LBR: variants seen among roughly 807,000 people sequenced by gnomAD.
LBR encodes the protein delta(14)-sterol reductase LBR.
LBR carries 28 observed loss-of-function variants against 74.3 expected under a neutral mutation model. The observed-to-expected ratio is 0.38, with a 90% CI of 0.28 to 0.52. The LOEUF (loss-of-function observed/expected upper bound fraction) is 0.52, where lower values mean the gene tolerates loss of function less well. Among genes scored for constraint, LBR ranks in the 20% least tolerant of loss-of-function variants. The pLI is 0.89. For synonymous variants in LBR, 228 were observed against 269.3 expected (o/e 0.85, Z 1.50); for missense variants, 717 against 760.3 (o/e 0.94, Z 0.67).
intron 9 of LBR, among the ~76,000 whole-genome samples, chr1:225,411,126 G>T (rs1463163733): frequency 6.6e-6 from 1 of 152,136 alleles, no homozygotes; most frequent in Non-Finnish European, 1.5e-5. Flanking sequence ...ATAAAGCAAA[G>T]AAAAGTTATT....
intron 3 of LBR, 132 bp downstream of exon 3, chr1:225,421,945 T>G: frequency 1.2e-6 from 1 of 858,330 alleles, no homozygotes; most frequent in Non-Finnish European, 1.8e-6. Context: ...TTGTTTTATA[T>G]GAAAACTCCC....
intron 7 of LBR, 61 bp downstream of exon 7, chr1:225,415,217 T>C (rs2096114704): frequency 8.8e-7 from 1 of 1,132,122 alleles, no homozygotes; most frequent in Non-Finnish European, 1.3e-6. Flanking sequence ...AACAAAGAGT[T>C]TAACACTTAG....
At chr1:225,425,223 G>C (rs1240154237) in intron 1 of LBR, among the ~76,000 whole-genome samples, 2 of 144,532 alleles carry the variant, frequency 1.4e-5, no homozygotes, top group Non-Finnish European at 2.9e-5. Context: ...GTGGGAGAGT[G>C]GGGGGGGAGG....
intron 2 of LBR, 122 bp downstream of exon 2, chr1:225,423,789 G>T: frequency 1.1e-6 from 1 of 932,710 alleles, no homozygotes; most frequent in Non-Finnish European, 1.7e-6. Context: ...GTGACCCAAA[G>T]CAAGAGCTCA....
chr1:225,404,625 C>T lies in LBR; in HGVS notation c.1564+1G>A. 1.2e-6 allele frequency: 2 copies of T among 1,606,072 alleles called. No individual in the cohort carries two copies. Among genetic ancestry groups the T allele is most frequent in the Non-Finnish European group, 1.7e-6 (2 of 1,174,360 alleles). The stretch of plus-strand genomic sequence containing the variant: ...TAATATAAACATAAATCAATACTTA[C>T]GTGCAAGCTTTGGATCACTGGGATT... On this transcript the variant is annotated splice_donor_variant, in intron 12 of 13. Coordinates refer to ENST00000272163, the MANE Select transcript of LBR (RefSeq NM_002296.4). LOFTEE classifies it high-confidence loss of function.
At chr1:225,410,160 C>A in intron 10 of LBR, 131 bp downstream of exon 10, 2 of 1,394,658 alleles carry the variant, frequency 1.4e-6, no homozygotes, top group South Asian at 2.3e-5. Context: ...ATGGCCTCGT[C>A]CTCCTCTCAA....
In LBR at chr1:225,422,389, T is replaced by C. The variant is rs145408840; in HGVS notation, c.166-112A>G. ...GGAACTGCTACCATTAACTCTAAAA[T>C]CAGCACGGGAAATGTTAGGATCTGA... On this transcript the variant is annotated intron_variant, in intron 2 of 13. Coordinates refer to ENST00000272163, the MANE Select transcript of LBR (RefSeq NM_002296.4). The C allele has an allele frequency of 4.3e-4, 357 of 833,992 alleles. 2 individuals are homozygous for C. The highest frequency in any genetic ancestry group is 6.3e-4 in the Non-Finnish European group (321 of 506,418). The allele number at this position is 833,992 out of a possible 1,614,324, so 51.7% of individuals were successfully genotyped here.
intron 4 of LBR, 108 bp downstream of exon 4, chr1:225,419,607 C>T (rs2096123923): frequency 9.6e-7 from 1 of 1,047,102 alleles, no homozygotes; most frequent in Admixed American, 2.1e-5. Context: ...AATTTTAGAA[C>T]AGGTTATAAA....
intron 5 of LBR, 21 bp from the exon 6 acceptor site, chr1:225,418,201 T>C (rs994739768): frequency 6.2e-7 from 1 of 1,605,784 alleles, no homozygotes; most frequent in Non-Finnish European, 8.5e-7. Context: ...TTCATGAACA[T>C]TCGAGGCTCA....
Position 225,418,019 on chromosome 1 carries a change from T to C in LBR, c.802A>G (p.Ile268Val), listed in dbSNP as rs1191678063. The C allele has an allele frequency of 6.2e-7, 1 of 1,614,146 alleles. No homozygotes were observed. The highest frequency in any genetic ancestry group is 1.1e-5 in the South Asian group (1 of 91,086). The change falls in exon 6 of 14, where the codon ATT (isoleucine) becomes GTT (valine). Residue 268 changes from isoleucine (I) to valine (V), a missense_variant. Transcript: ENST00000272163. Reference sequence around the variant, plus strand: ...GGCAGTAGGTAGAACAGGACTTGAATCAAAAACCACAGGAGGTAGACCCCA... The same window carrying C: ...GGCAGTAGGTAGAACAGGACTTGAACCAAAAACCACAGGAGGTAGACCCCA... ...VFGVYLLWFL[I>V]QVLFYLLPIG... is the part of the protein sequence containing the mutation.
intron 1 of LBR, 43 bp from the exon 2 acceptor site, chr1:225,424,132 A>G: frequency 1.4e-6 from 2 of 1,379,406 alleles, no homozygotes; most frequent in Non-Finnish European, 2.1e-6. Context: ...ATACATACAC[A>G]TTTATGTATT....
At chr1:225,425,144 G>A (rs2096136584) in intron 1 of LBR, among the ~76,000 whole-genome samples, 1 of 151,918 alleles carries the variant, frequency 6.6e-6, no homozygotes, top group South Asian at 2.1e-4. Flanking sequence ...TACAATAAAA[G>A]CAACATTTAG....
chr1:225,419,468 A>T lies in LBR; in HGVS notation c.451-16T>A. On this transcript the variant is annotated splice_polypyrimidine_tract_variant and intron_variant, in intron 4 of 13. Coordinates refer to ENST00000272163, the MANE Select transcript of LBR (RefSeq NM_002296.4). ...TGAATTTTTCCTAAATGAAAAATTTAAAAATTAAATATCTGCAGTGAACAA... is the reference window on the plus strand; with the variant it reads ...TGAATTTTTCCTAAATGAAAAATTTTAAAATTAAATATCTGCAGTGAACAA... 2 of 1,574,542 alleles carry T rather than the reference A, an allele frequency of 1.3e-6. No individual in the cohort carries two copies. Among genetic ancestry groups the T allele is most frequent in the Non-Finnish European group, 1.7e-6 (2 of 1,144,782 alleles).
At chr1:225,424,813 C>A (rs2096136004) in intron 1 of LBR, among the ~76,000 whole-genome samples, 1 of 152,240 alleles carries the variant, frequency 6.6e-6, no homozygotes, top group Non-Finnish European at 1.5e-5. Flanking sequence ...CACAAGCAAT[C>A]TGCAAGAACT....
chr1:225,413,610 C>T (rs975378842), intron 7 of LBR, among the ~76,000 whole-genome samples: 1 of 152,312 alleles, frequency 6.6e-6, no homozygotes. Context: ...ACAATAACTT[C>T]TAAATTCTGA....
intron 6 of LBR, among the ~76,000 whole-genome samples, chr1:225,416,671 C>A (rs1223125334): frequency 2.6e-5 from 4 of 152,200 alleles, no homozygotes; most frequent in African/African-American, 9.7e-5. Flanking sequence ...CCCTCCGTAT[C>A]GACGGGATCC....
intron 1 of LBR, among the ~76,000 whole-genome samples, chr1:225,426,651 T>G (rs932979821): frequency 1.3e-5 from 2 of 152,226 alleles, no homozygotes; most frequent in African/African-American, 4.8e-5. Context: ...CAAATTCATC[T>G]AAACGTGGCA....
Position 225,422,217 on chromosome 1 carries a change from G to A in LBR, c.226C>T (p.Arg76Ter), listed in dbSNP as rs869312905. ...GAGCGTGACCTTGATCGACTCCCTC[G>A]GCGTCTGGAAGGGGAACTGGAAGTT... ...GSTSSSPSRR[R>*]GSRSRSRSRS... The change falls in exon 3 of 14, where the codon CGA becomes TGA. Residue 76 changes from arginine (R) to a stop codon, truncating the protein, a stop_gained. Transcript: ENST00000272163. LOFTEE classifies it high-confidence loss of function. 3 of 1,613,928 alleles carry A rather than the reference G, an allele frequency of 1.9e-6. No individual in the cohort carries two copies. The highest frequency in any genetic ancestry group is 2.2e-5 in the East Asian group (1 of 44,886).
At position 225,418,154 on chromosome 1, in the gene LBR, G is replaced by C; in HGVS notation, c.667C>G (p.Pro223Ala). The change falls in exon 6 of 14, where the codon CCT becomes GCT. Residue 223 changes from proline (P) to alanine (A), a missense_variant. Pro to Ala is a conservative substitution (Grantham distance 27). Transcript: ENST00000272163. The part of the protein sequence containing the change: ...PGVFLIMFGL[P>A]VFLFLLLLMC... ...AACAGCAACAGGAAGAGGAACACAG[G>C]CAGGCCAAACATGATGAGAAACACA... The C allele has an allele frequency of 6.2e-7, 1 of 1,613,990 alleles. No homozygotes were observed. The highest frequency in any genetic ancestry group is 8.5e-7 in the Non-Finnish European group (1 of 1,179,894).
Sources: allele counts gnomAD v4.1 joint callset (sites outside exome capture counted in the v4.1 genomes callset), GRCh38; gene constraint gnomAD v4.1.1; transcripts MANE v1.5; gene names NCBI Gene and HGNC (gene_info 2026-07-23, HGNC 2026-07-21).